Variants in EML6 observed in about 807,000 individuals in gnomAD.
EML6 encodes EMAP like 6.
EML6 carries 154 observed loss-of-function variants against 240.1 expected under a neutral mutation model. That is an observed-to-expected ratio of 0.64 (90% CI 0.56 to 0.73). The LOEUF (loss-of-function observed/expected upper bound fraction) is 0.73. EML6 is among the 30% of genes least tolerant of loss of function. The pLI is 0.00. For synonymous variants in EML6, 1,148 were observed against 899.0 expected (o/e 1.28, Z -4.95); for missense variants, 2,964 against 2,474.6 (o/e 1.20, Z -4.20).
intron 15 of EML6, among the ~76,000 whole-genome samples, chr2:54,870,674 A>G (rs932218107): frequency 1.8e-4 from 27 of 152,052 alleles, no homozygotes; most frequent in African/African-American, 6.5e-4. Flanking sequence ...CTCTTTTTTT[A>G]AGTAAAAGCC....
chr2:54,908,161 C>G (rs913496858), intron 24 of EML6, among the ~76,000 whole-genome samples: 1 of 151,518 alleles, frequency 6.6e-6, no homozygotes, highest in Non-Finnish European at 1.5e-5. Flanking sequence ...GTTTTTTCTT[C>G]TTGACATCCT....
intron 23 of EML6, 77 bp downstream of exon 23, chr2:54,903,273 G>A (rs1182862221): frequency 6.6e-7 from 1 of 1,522,826 alleles, no homozygotes; most frequent in Non-Finnish European, 8.9e-7. Context: ...TATTTCAAAT[G>A]TTTCTTTGAC....
chr2:54,733,660 A>G (rs1683264657), intron 2 of EML6, among the ~76,000 whole-genome samples: 1 of 152,174 alleles, frequency 6.6e-6, no homozygotes, highest in African/African-American at 2.4e-5. Flanking sequence ...CACCCTCCCA[A>G]AAATCCACCT....
intron 28 of EML6, among the ~76,000 whole-genome samples, chr2:54,930,412 A>C (rs1382759679): frequency 1.3e-5 from 2 of 152,188 alleles, no homozygotes; most frequent in South Asian, 2.1e-4. Context: ...AGAGGACCCT[A>C]AGAATTTTTC....
At chr2:54,804,429 G>C (rs1297158655) in intron 2 of EML6, among the ~76,000 whole-genome samples, 1 of 152,216 alleles carries the variant, frequency 6.6e-6, no homozygotes, top group East Asian at 1.9e-4. Flanking sequence ...GTCTTAGGCA[G>C]TATTTCTTCT....
At chr2:54,915,495 C>G (rs1673863168) in intron 25 of EML6, among the ~76,000 whole-genome samples, 1 of 152,122 alleles carries the variant, frequency 6.6e-6, no homozygotes, top group Non-Finnish European at 1.5e-5. Context: ...AATTCTAAAA[C>G]TGAGGTGATT....
chr2:54,788,689 A>G (rs1433492676), intron 2 of EML6, among the ~76,000 whole-genome samples: 2 of 152,198 alleles, frequency 1.3e-5, no homozygotes, highest in African/African-American at 4.8e-5. Context: ...CTTATCAGTC[A>G]TTTTATTGGA....
intron 26 of EML6, among the ~76,000 whole-genome samples, chr2:54,918,316 A>C (rs906912413): frequency 6.6e-6 from 1 of 152,124 alleles, no homozygotes; most frequent in Non-Finnish European, 1.5e-5. Flanking sequence ...CTCCCCCTCA[A>C]TTCAGTTTTA....
intron 25 of EML6, among the ~76,000 whole-genome samples, chr2:54,914,725 A>G (rs572007582): frequency 7.2e-5 from 11 of 152,300 alleles, no homozygotes; most frequent in African/African-American, 1.7e-4. Flanking sequence ...TGTTAGTCCC[A>G]ATATTATAAG....
At chr2:54,939,384 G>A (rs554855420) in intron 28 of EML6, among the ~76,000 whole-genome samples, 1 of 152,362 alleles carries the variant, frequency 6.6e-6, no homozygotes, top group South Asian at 2.1e-4. Flanking sequence ...ATGTGTGATA[G>A]TGGATGTTTA....
intron 2 of EML6, among the ~76,000 whole-genome samples, chr2:54,769,921 C>T (rs1668339454): frequency 6.6e-6 from 1 of 152,156 alleles, no homozygotes; most frequent in South Asian, 2.1e-4. Context: ...TGGAAAGCCA[C>T]TATAAATTTT....
chr2:54,922,933 CTT>C (rs36078208), intron 26 of EML6, among the ~76,000 whole-genome samples: 21,690 of 73,652 alleles, frequency 0.29, 1,896 homozygotes, highest in East Asian at 0.44. Flanking sequence ...AGGGTATAAA[CTT>C]TTTTTTTTTT....
intron 2 of EML6, among the ~76,000 whole-genome samples, chr2:54,741,389 C>A (rs1683622523): frequency 6.6e-6 from 1 of 152,054 alleles, no homozygotes; most frequent in South Asian, 2.1e-4. Context: ...TGTGAGGCCC[C>A]AAAATCTGCA....
At chr2:54,762,334 A>T (rs1476530179) in intron 2 of EML6, among the ~76,000 whole-genome samples, 1 of 152,174 alleles carries the variant, frequency 6.6e-6, no homozygotes, top group African/African-American at 2.4e-5. Context: ...ACGGATGGGA[A>T]TGCATGATGT....
intron 28 of EML6, among the ~76,000 whole-genome samples, chr2:54,929,211 C>T (rs954642525): frequency 6.6e-6 from 1 of 152,160 alleles, no homozygotes. Context: ...CTTGGTGTAT[C>T]TTCTCTTACT....
At chr2:54,946,593 TG>T (rs1675705356) in intron 28 of EML6, among the ~76,000 whole-genome samples, 1 of 152,206 alleles carries the variant, frequency 6.6e-6, no homozygotes, top group Non-Finnish European at 1.5e-5. Flanking sequence ...TTATGAACAC[TG>T]TTTATAGATG....
chr2:54,898,852 T>C (rs867807099), intron 21 of EML6, among the ~76,000 whole-genome samples: 2 of 152,200 alleles, frequency 1.3e-5, no homozygotes, highest in East Asian at 3.8e-4. Context: ...CATTATAGAG[T>C]GAAAAATTAT....
At chr2:54,797,166 A>AAAAAAAAAAAAAAAAAACAAAAC (rs1669836858) in intron 2 of EML6, among the ~76,000 whole-genome samples, 3 of 100,398 alleles carry the variant, frequency 3.0e-5, no homozygotes, top group Non-Finnish European at 7.0e-5. Flanking sequence ...CTCCATCTCA[A>AAAAAAAAAAAAAAAAAACAAAAC]AAAAAAAAAA....
intron 2 of EML6, among the ~76,000 whole-genome samples, chr2:54,804,914 T>C (rs986093207): frequency 6.6e-6 from 1 of 152,220 alleles, no homozygotes; most frequent in East Asian, 1.9e-4. Flanking sequence ...ACATCACTTT[T>C]CTTCTCCTCC....
Sources: allele counts gnomAD v4.1 joint callset (sites outside exome capture counted in the v4.1 genomes callset), GRCh38; gene constraint gnomAD v4.1.1; transcripts MANE v1.5; gene names NCBI Gene and HGNC (gene_info 2026-07-23, HGNC 2026-07-21).